Variants in RNF17 observed in about 807,000 individuals in gnomAD.
RNF17 encodes the protein ring finger protein 17.
RNF17 carries 31 observed loss-of-function variants against 200.5 expected under a neutral mutation model. That is an observed-to-expected ratio of 0.15 (90% CI 0.12 to 0.21). The LOEUF (loss-of-function observed/expected upper bound fraction) is 0.21, where lower values mean the gene tolerates loss of function less well. RNF17 is among the 10% of genes least tolerant of loss of function. The pLI, the probability that RNF17 is intolerant of heterozygous loss-of-function variation, is 1.00. For missense variants in RNF17, 1,628 were observed against 1,905.1 expected, an observed-to-expected ratio of 0.85 and a Z score of 2.71; for synonymous variants, 606 against 637.8, an observed-to-expected ratio of 0.95 and a Z score of 0.75.
chr13:24,872,061 C>T (rs746862502), intron 32 of RNF17, among the ~76,000 whole-genome samples: 4 of 148,138 alleles, frequency 2.7e-5, no homozygotes, highest in African/African-American at 7.5e-5. Flanking sequence ...CTTTGCCTCC[C>T]GGGTTCAAAC....
At chr13:24,779,604 T>C (rs1882075773) in intron 4 of RNF17, 63 bp from the exon 5 acceptor site, 3 of 1,290,524 alleles carry the variant, frequency 2.3e-6, no homozygotes, top group Admixed American at 3.5e-5. Flanking sequence ...AACTATAATA[T>C]ATATATGTCT....
At chr13:24,866,813 C>A (rs1194350308) in intron 30 of RNF17, among the ~76,000 whole-genome samples, 1 of 152,160 alleles carries the variant, frequency 6.6e-6, no homozygotes, top group Non-Finnish European at 1.5e-5. Context: ...TCTGTGGTAA[C>A]TATGTTTAAC....
intron 22 of RNF17, 101 bp downstream of exon 22, chr13:24,845,180 C>T (rs1891120698): frequency 1.5e-6 from 1 of 685,196 alleles, no homozygotes; most frequent in Non-Finnish European, 2.4e-6. Flanking sequence ...TTCCTAAAAT[C>T]TAGTTAATTT....
rs150027387 is a variant in RNF17, at chr13:24,852,384, C to G, written c.3320+813C>G. On this transcript the variant is annotated intron_variant, in intron 24 of 35. Coordinates refer to ENST00000255324, the MANE Select transcript of RNF17 (RefSeq NM_031277.3). ...CGATCTCCTGACCTCGTGATCTGCC[C>G]GCCTTGGCCTCCCAAAGTGCTGGGA... Among the ~76,000 whole-genome samples, 1,054 of 152,154 alleles carry G rather than the reference C, an allele frequency of 6.9e-3. 10 individuals are homozygous for G. The highest frequency in any genetic ancestry group is 0.037 in the Middle Eastern group (11 of 294).
chr13:24,785,580 A>G lies in RNF17; in HGVS notation c.612-2408A>G, dbSNP rs11838975. On this transcript the variant is annotated intron_variant, in intron 6 of 35. Transcript: ENST00000255324. ...AATGTTTATCCTCATGTTGTTGGGT[A>G]TAGTGTTCTAAATATGTCTGTTGGG... 4.1e-3 allele frequency among the ~76,000 whole-genome samples: 631 copies of G among 152,208 alleles called. 6 individuals are homozygous for G. Among genetic ancestry groups the G allele is most frequent in the African/African-American group, 0.014 (602 of 41,568 alleles).
At chr13:24,871,650 T>G (rs912601398) in intron 32 of RNF17, among the ~76,000 whole-genome samples, 11 of 141,858 alleles carry the variant, frequency 7.8e-5, no homozygotes, top group Non-Finnish European at 6.1e-5. Flanking sequence ...TTTTTTTTTT[T>G]GGAGATGAGT....
At chr13:24,771,204 T>G (rs953281391) in intron 2 of RNF17, among the ~76,000 whole-genome samples, 5 of 151,994 alleles carry the variant, frequency 3.3e-5, no homozygotes, top group African/African-American at 9.7e-5. Flanking sequence ...CAGACTGGAG[T>G]GCAGTGATGT....
intron 14 of RNF17, 101 bp from the exon 15 acceptor site, chr13:24,804,187 A>G (rs1885576679): frequency 1.9e-6 from 2 of 1,071,328 alleles, no homozygotes; most frequent in Non-Finnish European, 1.4e-6. Flanking sequence ...GCTTGAGCCC[A>G]GAAGGGTAGA....
At chr13:24,809,795 T>C (rs911809209) in intron 15 of RNF17, among the ~76,000 whole-genome samples, 17 of 152,302 alleles carry the variant, frequency 1.1e-4, no homozygotes, top group Admixed American at 4.6e-4. Context: ...TAAATTTCCC[T>C]CTACACACTG....
intron 9 of RNF17, among the ~76,000 whole-genome samples, chr13:24,790,348 A>G (rs1883690112): frequency 6.6e-6 from 1 of 152,136 alleles, no homozygotes; most frequent in Non-Finnish European, 1.5e-5. Flanking sequence ...CCAAGGATAC[A>G]TAGATGCTAA....
chr13:24,764,888 G>GGGGGGGTGTGT (rs899352115), intron 1 of RNF17, among the ~76,000 whole-genome samples: 1 of 134,174 alleles, frequency 7.5e-6, no homozygotes, highest in East Asian at 2.0e-4. Flanking sequence ...CACCTTGTGG[G>GGGGGGGTGTGT]GTGTGTGTGT....
Position 24,778,923 on chromosome 13 carries a change from T to C in RNF17, c.429+517T>C, listed in dbSNP as rs562877838. Among the ~76,000 whole-genome samples the C allele has an allele frequency of 5.3e-5, 8 of 152,324 alleles. No homozygotes were observed. In the East Asian group the frequency reaches 1.5e-3, roughly 29 times the overall value. Reference sequence around the variant, plus strand: ...ATTAATGGAGGCCACGTGCAGTGGCTCCTGCCTATAATCCCAGCACTTTGG... The same window carrying C: ...ATTAATGGAGGCCACGTGCAGTGGCCCCTGCCTATAATCCCAGCACTTTGG... On this transcript the variant is annotated intron_variant, in intron 4 of 35. Transcript: ENST00000255324.
At position 24,764,888 on chromosome 13, in the gene RNF17, G is replaced by GGGGGGT. The variant is rs899352115; in HGVS notation, c.130+556_130+557insGGGGTG. ...ATAGTTTCTTTTGTGCACCTTGTGG[G>GGGGGGT]GTGTGTGTGTGTGTGTGTGTGTGTG... On this transcript the variant is annotated intron_variant, in intron 1 of 35. Transcript: ENST00000255324. 9.0e-4 allele frequency among the ~76,000 whole-genome samples: 121 copies of GGGGGGT among 134,172 alleles called. 1 individual carries two copies. The East Asian group carries it at 0.019, about 21-fold the overall frequency. 88.0% of individuals were successfully genotyped at this position (134,172 alleles called of 152,430 possible). A position where few individuals can be genotyped will look rare whatever the true frequency, so the allele number is the denominator to read the frequency against.
intron 9 of RNF17, among the ~76,000 whole-genome samples, chr13:24,790,808 A>G (rs1883745862): frequency 6.6e-6 from 1 of 152,162 alleles, no homozygotes; most frequent in Non-Finnish European, 1.5e-5. Flanking sequence ...AACTATCTTC[A>G]CAAGGTGGAA....
At chr13:24,823,147 C>T (rs910526455) in intron 15 of RNF17, among the ~76,000 whole-genome samples, 1 of 151,972 alleles carries the variant, frequency 6.6e-6, no homozygotes, top group Non-Finnish European at 1.5e-5. Context: ...GATGTCAGCT[C>T]CCTGCAACCT....
intron 16 of RNF17, among the ~76,000 whole-genome samples, chr13:24,827,774 A>C (rs1017310549): frequency 1.6e-4 from 24 of 151,210 alleles, no homozygotes; most frequent in Non-Finnish European, 3.2e-4. Flanking sequence ...AAAAAAGTCC[A>C]AGATCAAGGC....
chr13:24,804,098 C>A (rs1196396590), intron 14 of RNF17, among the ~76,000 whole-genome samples, 190 bp from the exon 15 acceptor site: 3 of 152,094 alleles, frequency 2.0e-5, no homozygotes, highest in African/African-American at 7.2e-5. Context: ...TAGGGAGACC[C>A]TGTCTCTACA....
intron 18 of RNF17, among the ~76,000 whole-genome samples, chr13:24,835,795 A>C (rs150990208): frequency 6.6e-6 from 1 of 152,328 alleles, no homozygotes; most frequent in East Asian, 1.9e-4. Flanking sequence ...ACACTAGTTC[A>C]CCAGCAGTGG....
intron 29 of RNF17, among the ~76,000 whole-genome samples, chr13:24,865,782 T>TGG (rs1209534967): frequency 6.6e-6 from 1 of 151,860 alleles, no homozygotes; most frequent in Non-Finnish European, 1.5e-5. Context: ...TGTGGGTGAG[T>TGG]GGGGGTGTGT....
Sources: allele counts gnomAD v4.1 joint callset (sites outside exome capture counted in the v4.1 genomes callset), GRCh38; gene constraint gnomAD v4.1.1; transcripts MANE v1.5; gene names NCBI Gene and HGNC (gene_info 2026-07-23, HGNC 2026-07-21).